Variants in FBXL7 observed in about 807,000 individuals in gnomAD.
FBXL7 encodes F-box/LRR-repeat protein 7.
FBXL7 carries 12 observed loss-of-function variants against 38.3 expected under a neutral mutation model. The observed-to-expected ratio is 0.31, with a 90% confidence interval of 0.20 to 0.51. The LOEUF is 0.51. Among genes scored for constraint, FBXL7 ranks in the 20% least tolerant of loss-of-function variants. FBXL7 has a pLI of 0.98. For synonymous variants in FBXL7, 297 were observed against 300.9 expected (o/e 0.99, Z 0.13); for missense variants, 567 against 676.4 (o/e 0.84, Z 1.79).
At chr5:15,650,489 G>A (rs1197071710) in intron 2 of FBXL7, among the ~76,000 whole-genome samples, 1 of 152,148 alleles carries the variant, frequency 6.6e-6, no homozygotes, top group Non-Finnish European at 1.5e-5. Context: ...GGGTGGCTGT[G>A]GCAATTTCTT....
chr5:15,792,640 C>A (rs139568953), intron 2 of FBXL7, among the ~76,000 whole-genome samples: 1 of 152,246 alleles, frequency 6.6e-6, no homozygotes, highest in African/African-American at 2.4e-5. Context: ...AGAAGGCGTC[C>A]GGCTTTCTCC....
intron 2 of FBXL7, among the ~76,000 whole-genome samples, chr5:15,722,055 G>A (rs915109841): frequency 4.6e-5 from 7 of 152,062 alleles, no homozygotes; most frequent in East Asian, 3.9e-4. Context: ...GGCTGGTCTC[G>A]AACTCCTGAC....
At chr5:15,856,538 C>A (rs936467174) in intron 2 of FBXL7, among the ~76,000 whole-genome samples, 3 of 151,624 alleles carry the variant, frequency 2.0e-5, no homozygotes, top group Non-Finnish European at 4.4e-5. Context: ...ACATGTACCC[C>A]CAAACTGAAA....
chr5:15,692,682 G>C (rs947582268), intron 2 of FBXL7, among the ~76,000 whole-genome samples: 4 of 152,150 alleles, frequency 2.6e-5, no homozygotes, highest in African/African-American at 9.7e-5. Flanking sequence ...TCCAAAGATC[G>C]TGCAAATGAT....
At chr5:15,805,876 T>C (rs1737698313) in intron 2 of FBXL7, among the ~76,000 whole-genome samples, 1 of 152,206 alleles carries the variant, frequency 6.6e-6, no homozygotes, top group Non-Finnish European at 1.5e-5. Context: ...ACTTGCAGAA[T>C]TCTTTGGGCA....
At chr5:15,597,759 A>G (rs1739668762) in intron 1 of FBXL7, among the ~76,000 whole-genome samples, 1 of 152,208 alleles carries the variant, frequency 6.6e-6, no homozygotes, top group Non-Finnish European at 1.5e-5. Context: ...AGTTTGGGAA[A>G]AGAATTCTCA....
At chr5:15,795,224 A>G (rs1054029558) in intron 2 of FBXL7, among the ~76,000 whole-genome samples, 18 of 152,212 alleles carry the variant, frequency 1.2e-4, no homozygotes, top group Admixed American at 3.9e-4. Flanking sequence ...ACTTGAGAGA[A>G]TAGAAGACCT....
chr5:15,687,628 C>T (rs143689849), intron 2 of FBXL7, among the ~76,000 whole-genome samples: 2 of 152,138 alleles, frequency 1.3e-5, no homozygotes, highest in African/African-American at 4.8e-5. Flanking sequence ...TGTGAGAATT[C>T]AGCGGGAAAT....
intron 2 of FBXL7, among the ~76,000 whole-genome samples, chr5:15,635,995 A>G (rs1420915795): frequency 6.6e-6 from 1 of 151,598 alleles, no homozygotes; most frequent in Admixed American, 6.6e-5. Flanking sequence ...CTATTTGTCT[A>G]TAGCAAGGTT....
intron 2 of FBXL7, among the ~76,000 whole-genome samples, chr5:15,885,895 T>G (rs556865477): frequency 6.6e-6 from 1 of 152,130 alleles, no homozygotes; most frequent in East Asian, 1.9e-4. Flanking sequence ...ATTTTATTTT[T>G]TTTTTTGTAG....
intron 1 of FBXL7, among the ~76,000 whole-genome samples, chr5:15,515,474 G>T (rs141204230): frequency 1.3e-5 from 2 of 152,282 alleles, no homozygotes; most frequent in Non-Finnish European, 2.9e-5. Context: ...CCATTTGCCT[G>T]ATCCGTTTGC....
At chr5:15,622,471 T>G (rs1032774583) in intron 2 of FBXL7, among the ~76,000 whole-genome samples, 4 of 152,086 alleles carry the variant, frequency 2.6e-5, no homozygotes, top group Non-Finnish European at 4.4e-5. Flanking sequence ...GTGTGTGATG[T>G]TCCCCTTCCT....
intron 2 of FBXL7, among the ~76,000 whole-genome samples, chr5:15,693,154 T>C (rs1037854903): frequency 4.6e-5 from 7 of 152,156 alleles, no homozygotes; most frequent in African/African-American, 1.7e-4. Context: ...TAGAACTGCC[T>C]TCTCATGGGG....
At chr5:15,618,293 T>C (rs1355495270) in intron 2 of FBXL7, among the ~76,000 whole-genome samples, 4 of 152,226 alleles carry the variant, frequency 2.6e-5, no homozygotes, top group Non-Finnish European at 5.9e-5. Context: ...AATTTCCTTC[T>C]AGCTTTTAAG....
At chr5:15,909,426 C>T (rs1741403443) in intron 2 of FBXL7, among the ~76,000 whole-genome samples, 2 of 25,318 alleles carry the variant, frequency 7.9e-5, no homozygotes, top group Admixed American at 2.3e-4. Flanking sequence ...CTTTATTAGT[C>T]TTGCTAGCGG....
chr5:15,777,542 G>C (rs974511176), intron 2 of FBXL7, among the ~76,000 whole-genome samples: 1 of 151,766 alleles, frequency 6.6e-6, no homozygotes, highest in Admixed American at 6.6e-5. Context: ...AAATCTTCCT[G>C]TTATGAGATT....
intron 1 of FBXL7, among the ~76,000 whole-genome samples, chr5:15,556,691 G>A (rs933134463): frequency 6.6e-6 from 1 of 151,972 alleles, no homozygotes; most frequent in Non-Finnish European, 1.5e-5. Flanking sequence ...TCAATTTTTA[G>A]ACTCCTCTTC....
At chr5:15,724,253 T>C (rs979567290) in intron 2 of FBXL7, among the ~76,000 whole-genome samples, 4 of 152,146 alleles carry the variant, frequency 2.6e-5, no homozygotes, top group Non-Finnish European at 4.4e-5. Flanking sequence ...AAACTTCCTT[T>C]TTAAAAAAAT....
intron 2 of FBXL7, among the ~76,000 whole-genome samples, chr5:15,896,120 G>A (rs1741098633): frequency 4.0e-5 from 6 of 151,526 alleles, no homozygotes; most frequent in Admixed American, 3.3e-4. Context: ...TGCCTCCCAG[G>A]TTCAGGCAAT....
Sources: gnomAD v4.1 joint callset for allele counts (sites outside exome capture counted in the v4.1 genomes callset) on GRCh38, gnomAD v4.1.1 for gene constraint, MANE v1.5 for transcripts, NCBI Gene and HGNC (gene_info 2026-07-23, HGNC 2026-07-21) for gene names.